The following KCNH8 variants were observed in gnomAD, a reference collection of about 807,000 sequenced individuals.
KCNH8 encodes the protein voltage-gated delayed rectifier potassium channel KCNH8.
KCNH8 carries 70 observed loss-of-function variants against 103.6 expected under a neutral mutation model. The ratio of observed to expected loss-of-function variants is 0.68; its 90% CI spans 0.56 to 0.82. The LOEUF (loss-of-function observed/expected upper bound fraction) is 0.82, where lower values mean the gene tolerates loss of function less well. Among genes scored for constraint, KCNH8 ranks in the 40% least tolerant of loss-of-function variants. KCNH8 has a pLI of 0.00. For synonymous variants in KCNH8, 498 were observed against 489.4 expected (o/e 1.02, Z -0.23); for missense variants, 1,217 against 1,329.9 (o/e 0.92, Z 1.32).
intron 11 of KCNH8, among the ~76,000 whole-genome samples, chr3:19,478,424 C>T (rs748236420): frequency 6.6e-6 from 1 of 152,130 alleles, no homozygotes; most frequent in Non-Finnish European, 1.5e-5. Flanking sequence ...TTTTTCTCCA[C>T]ATCCTCAACA....
intron 2 of KCNH8, among the ~76,000 whole-genome samples, chr3:19,258,393 G>A (rs2064373907): frequency 6.6e-6 from 1 of 151,950 alleles, no homozygotes; most frequent in Non-Finnish European, 1.5e-5. Flanking sequence ...GGAGGTTTTT[G>A]ACTCAGTAAT....
chr3:19,260,487 GATATATATATATATATATAT>G (rs57661437), intron 2 of KCNH8, among the ~76,000 whole-genome samples: 3,929 of 40,088 alleles, frequency 0.098, 353 homozygotes, highest in African/African-American at 0.25. Context: ...TACTCTATAG[GATATATATATATATATATAT>G]ATATATATAT....
intron 1 of KCNH8, among the ~76,000 whole-genome samples, chr3:19,205,768 T>A (rs891409160): frequency 1.3e-5 from 2 of 151,946 alleles, no homozygotes; most frequent in Admixed American, 1.3e-4. Flanking sequence ...GCATAAAAAG[T>A]ATGAGCAGAG....
chr3:19,424,740 G>A (rs1187486442), intron 7 of KCNH8, among the ~76,000 whole-genome samples: 23 of 151,852 alleles, frequency 1.5e-4, no homozygotes, highest in Non-Finnish European at 7.4e-5. Flanking sequence ...AGGAACTCAG[G>A]CAAATCAGCA....
At chr3:19,235,333 T>A (rs983988846) in intron 1 of KCNH8, among the ~76,000 whole-genome samples, 2 of 152,098 alleles carry the variant, frequency 1.3e-5, no homozygotes, top group African/African-American at 4.8e-5. Context: ...ACATAAAAGA[T>A]TTTTAAATGC....
chr3:19,263,031 G>A (rs533884258), intron 2 of KCNH8, among the ~76,000 whole-genome samples: 7 of 152,060 alleles, frequency 4.6e-5, no homozygotes, highest in South Asian at 2.1e-4. Flanking sequence ...CATTAGCACC[G>A]TGGGCATTAG....
intron 11 of KCNH8, among the ~76,000 whole-genome samples, chr3:19,501,517 A>G (rs1414610926): frequency 6.6e-6 from 1 of 152,244 alleles, no homozygotes; most frequent in Non-Finnish European, 1.5e-5. Flanking sequence ...CACTGATGCA[A>G]AAATCCTCAA....
chr3:19,206,742 G>A (rs1006922016), intron 1 of KCNH8, among the ~76,000 whole-genome samples: 8 of 151,936 alleles, frequency 5.3e-5, no homozygotes, highest in Non-Finnish European at 7.4e-5. Flanking sequence ...GAGCAAAATT[G>A]CCCTAAGTTG....
intron 2 of KCNH8, among the ~76,000 whole-genome samples, chr3:19,268,942 A>AG (rs1402243901): frequency 2.6e-5 from 4 of 152,252 alleles, no homozygotes; most frequent in African/African-American, 9.6e-5. Flanking sequence ...TTGGGAAATG[A>AG]GAAAGAAGGA....
At chr3:19,190,332 A>T (rs1317752857) in intron 1 of KCNH8, among the ~76,000 whole-genome samples, 2 of 151,950 alleles carry the variant, frequency 1.3e-5, no homozygotes, top group African/African-American at 4.8e-5. Context: ...AGGAGATCCA[A>T]GGTCTTGCCA....
chr3:19,175,919 G>A (rs2063395347), intron 1 of KCNH8, among the ~76,000 whole-genome samples: 1 of 152,174 alleles, frequency 6.6e-6, no homozygotes, highest in African/African-American at 2.4e-5. Flanking sequence ...TTCCCGTATG[G>A]CACTCAGATT....
At chr3:19,320,415 A>G (rs2065334392) in intron 3 of KCNH8, among the ~76,000 whole-genome samples, 1 of 151,984 alleles carries the variant, frequency 6.6e-6, no homozygotes, top group South Asian at 2.1e-4. Context: ...TACTGAGATG[A>G]TCATATGATT....
At chr3:19,416,890 C>T (rs2066871998) in intron 7 of KCNH8, among the ~76,000 whole-genome samples, 1 of 152,088 alleles carries the variant, frequency 6.6e-6, no homozygotes, top group Admixed American at 6.6e-5. Context: ...AGGTAAATTA[C>T]TTCTGTCTTT....
chr3:19,296,743 T>C (rs1223919500), intron 3 of KCNH8, among the ~76,000 whole-genome samples: 3 of 152,106 alleles, frequency 2.0e-5, no homozygotes, highest in African/African-American at 4.8e-5. Flanking sequence ...TTGGGTTCAG[T>C]GTATACCGCT....
At chr3:19,503,223 A>G (rs527974077) in intron 11 of KCNH8, among the ~76,000 whole-genome samples, 1 of 151,704 alleles carries the variant, frequency 6.6e-6, no homozygotes, top group African/African-American at 2.4e-5. Context: ...CAAAACCACA[A>G]TGAGATACCA....
intron 5 of KCNH8, among the ~76,000 whole-genome samples, chr3:19,370,770 C>T (rs555515042): frequency 2.5e-4 from 37 of 150,442 alleles, no homozygotes; most frequent in African/African-American, 7.3e-4. Flanking sequence ...TCCCCCCACC[C>T]AACAACAGTC....
At chr3:19,350,036 T>C (rs1196159323) in intron 5 of KCNH8, among the ~76,000 whole-genome samples, 16 of 152,154 alleles carry the variant, frequency 1.1e-4, no homozygotes, top group Non-Finnish European at 4.4e-5. Flanking sequence ...AACTTATTTT[T>C]ATAAGCAGTA....
intron 5 of KCNH8, among the ~76,000 whole-genome samples, chr3:19,352,194 A>G (rs1030264680): frequency 2.0e-5 from 3 of 152,206 alleles, no homozygotes; most frequent in Non-Finnish European, 4.4e-5. Flanking sequence ...TATCCTAAAC[A>G]TATATGCACA....
chr3:19,299,630 C>A (rs951641184), intron 3 of KCNH8, among the ~76,000 whole-genome samples: 7 of 151,572 alleles, frequency 4.6e-5, no homozygotes, highest in Admixed American at 4.6e-4. Context: ...GCACTTGTAT[C>A]CCTGAACTTA....
Sources: gnomAD v4.1 joint callset for allele counts (sites outside exome capture counted in the v4.1 genomes callset) on GRCh38, gnomAD v4.1.1 for gene constraint, MANE v1.5 for transcripts, NCBI Gene and HGNC (gene_info 2026-07-23, HGNC 2026-07-21) for gene names.